The following PFKFB1 variants were observed in gnomAD, a reference collection of about 807,000 sequenced individuals.
The protein encoded by PFKFB1 is 6-phosphofructo-2-kinase/fructose-2,6-bisphosphatase 1.
PFKFB1 carries 34 observed loss-of-function variants against 46.4 expected under a neutral mutation model. The ratio of observed to expected loss-of-function variants is 0.73; its 90% CI spans 0.56 to 0.98. The LOEUF (loss-of-function observed/expected upper bound fraction) is 0.98. Ranked by LOEUF, PFKFB1 falls within the 50% of genes least tolerant of loss-of-function variation. The pLI is 0.00. For missense variants in PFKFB1, 393 were observed against 376.3 expected (o/e 1.04, Z -0.37); for synonymous variants, 119 against 133.8 (o/e 0.89, Z 0.76).
intron 1 of PFKFB1, among the ~76,000 whole-genome samples, chrX:54,963,649 C>T (rs1049756408): frequency 8.9e-6 from 1 of 112,218 alleles, no homozygotes; most frequent in Admixed American, 9.4e-5. Flanking sequence ...AACATACAAA[C>T]TTTATAAGAG....
chrX:54,973,084 G>A (rs1408039661), intron 1 of PFKFB1, among the ~76,000 whole-genome samples: 3 of 111,364 alleles, frequency 2.7e-5, no homozygotes, highest in African/African-American at 6.5e-5. Context: ...TTTATGTGTC[G>A]AGGAATGTAT....
chrX:54,958,888 G>T lies in PFKFB1; in HGVS notation c.422C>A (p.Ser141Ter). 1.7e-6 allele frequency: 2 copies of T among 1,200,046 alleles called. No individual in the cohort carries two copies. The highest frequency in any genetic ancestry group is 2.3e-6 in the Non-Finnish European group (2 of 885,567). The change falls in exon 5 of 14, where the codon TCA (serine) becomes TAA (stop). Residue 141 changes from serine (S) to a stop codon, truncating the protein, a stop_gained. Coordinates refer to ENST00000375006, the MANE Select transcript of PFKFB1 (RefSeq NM_002625.4). LOFTEE classifies it high-confidence loss of function. ...DATNTTRERR[S>*]LILQFAKEHG... ...TTCTTTTGCAAACTGCAGGATCAGT[G>T]ACCGTCGTTCTCTGGTAGTGTTGGT...
chrX:54,970,236 G>C (rs779396271), intron 1 of PFKFB1, among the ~76,000 whole-genome samples: 1 of 111,316 alleles, frequency 9.0e-6, no homozygotes, highest in African/African-American at 3.3e-5. Context: ...AACCTTTCTA[G>C]TACCAATAAG....
At chrX:54,975,423 C>A (rs1294043573) in intron 1 of PFKFB1, among the ~76,000 whole-genome samples, 1 of 110,139 alleles carries the variant, frequency 9.1e-6, no homozygotes, top group Non-Finnish European at 1.9e-5. Context: ...TAAGTGGGAG[C>A]TAAGTTATGA....
intron 1 of PFKFB1, among the ~76,000 whole-genome samples, chrX:54,989,550 T>C (rs1232880107): frequency 9.0e-6 from 1 of 111,380 alleles, no homozygotes; most frequent in East Asian, 2.8e-4. Flanking sequence ...ATATAGAACA[T>C]TTGAGCCAGA....
upstream of PFKFB1, chrX:54,994,746 A>G: frequency 2.7e-6 from 2 of 754,192 alleles, no homozygotes; most frequent in Non-Finnish European, 3.1e-6. Context: ...GGCCTCTCCC[A>G]CCTGAAATGT....
At chrX:54,938,974 G>A (rs982078049) in intron 10 of PFKFB1, among the ~76,000 whole-genome samples, 4 of 111,525 alleles carry the variant, frequency 3.6e-5, no homozygotes, top group African/African-American at 1.3e-4. Context: ...TTCCAAAATT[G>A]ACCACCTGGT....
intron 1 of PFKFB1, among the ~76,000 whole-genome samples, chrX:54,969,165 A>G (rs1013284088): frequency 3.6e-5 from 4 of 111,704 alleles, no homozygotes; most frequent in Non-Finnish European, 7.5e-5. Context: ...TTAATCTCCA[A>G]TGCAACAGTA....
intron 1 of PFKFB1, among the ~76,000 whole-genome samples, chrX:54,973,144 T>A (rs1185372832): frequency 8.9e-6 from 1 of 111,896 alleles, no homozygotes; most frequent in African/African-American, 3.3e-5. Flanking sequence ...GTTCGTAGTA[T>A]TCTCTGACGG....
intron 2 of PFKFB1, among the ~76,000 whole-genome samples, chrX:54,962,489 C>T (rs180833655): frequency 2.0e-3 from 220 of 112,435 alleles, no homozygotes; most frequent in Middle Eastern, 4.6e-3. Context: ...TGTATCCCCA[C>T]TGCCTAGCAG....
At chrX:54,933,921 C>T (rs768738835) in intron 12 of PFKFB1, 36 bp from the exon 13 acceptor site, 1 of 1,108,480 alleles carries the variant, frequency 9.0e-7, no homozygotes, top group Admixed American at 2.2e-5. Flanking sequence ...CATAGGCCCC[C>T]AAGGTAGGCA....
At chrX:54,970,747 T>A (rs1391054126) in intron 1 of PFKFB1, among the ~76,000 whole-genome samples, 1 of 11,004 alleles carries the variant, frequency 9.1e-5, no homozygotes, top group African/African-American at 4.8e-4. Context: ...TGTTGGACAT[T>A]TGGGTTGGTT....
intron 1 of PFKFB1, among the ~76,000 whole-genome samples, chrX:54,980,521 T>G (rs1371869585): frequency 1.8e-5 from 2 of 110,489 alleles, no homozygotes; most frequent in Non-Finnish European, 3.8e-5. Context: ...CTGACTAAAG[T>G]GTGGACCAGA....
At chrX:54,997,928 A>G (rs916449363), upstream of PFKFB1, among the ~76,000 whole-genome samples, 10 of 112,333 alleles carry the variant, frequency 8.9e-5, no homozygotes, top group Admixed American at 9.4e-4. Context: ...AAATGTCTCC[A>G]AAGAGCTTTG....
intron 1 of PFKFB1, among the ~76,000 whole-genome samples, chrX:54,980,685 T>C (rs1235390385): frequency 4.3e-5 from 4 of 92,096 alleles, no homozygotes; most frequent in African/African-American, 1.7e-4. Context: ...GGATGTACAT[T>C]ACCCGTGTAG....
chrX:54,951,907 G>T lies in PFKFB1; in HGVS notation c.844C>A (p.Gln282Lys). The change falls in exon 8 of 14, where the codon CAG becomes AAG. Residue 282 changes from glutamine to lysine, a missense_variant and splice_region_variant. By Grantham distance (53) the Gln-to-Lys change is moderately conservative. Coordinates refer to ENST00000375006, the MANE Select transcript of PFKFB1 (RefSeq NM_002625.4). ...TGGGTGTGTGTGGCCCACCCTACCTGCTTGCCGCGAACTGAGAGGCCAGAG... is the reference window on the plus strand; with the variant it reads ...TGGGTGTGTGTGGCCCACCCTACCTTCTTGCCGCGAACTGAGAGGCCAGAG... ...GDSGLSVRGK[Q>K]YAYALANFIQ... 3.4e-6 allele frequency: 4 copies of T among 1,191,294 alleles called. No homozygotes were observed. The Middle Eastern group carries it at 9.5e-4, about 284-fold the overall frequency.
chrX:54,934,552 G>C (rs1933323556), intron 12 of PFKFB1, among the ~76,000 whole-genome samples: 1 of 111,676 alleles, frequency 9.0e-6, no homozygotes, highest in South Asian at 3.8e-4. Flanking sequence ...ATTTGATTCT[G>C]TCCCTCCCCT....
chrX:54,948,451 C>A (rs1933869170), intron 9 of PFKFB1, among the ~76,000 whole-genome samples: 1 of 112,150 alleles, frequency 8.9e-6, no homozygotes, highest in African/African-American at 3.2e-5. Context: ...TGGACCCCAT[C>A]AATGACATCT....
At chrX:54,996,553 C>T (rs1050426428), upstream of PFKFB1, among the ~76,000 whole-genome samples, 1 of 112,136 alleles carries the variant, frequency 8.9e-6, no homozygotes, top group African/African-American at 3.2e-5. Context: ...GGCTTGAAAG[C>T]CTAACTTAAA....
Sources: allele counts gnomAD v4.1 joint callset (sites outside exome capture counted in the v4.1 genomes callset), GRCh38; gene constraint gnomAD v4.1.1; transcripts MANE v1.5; gene names NCBI Gene and HGNC (gene_info 2026-07-23, HGNC 2026-07-21).